Variants in FOCAD observed in about 807,000 individuals in gnomAD.
FOCAD encodes the protein focadhesin.
Under a neutral mutation model 225.6 loss-of-function variants are expected in FOCAD, and 198 were observed. The ratio of observed to expected loss-of-function variants is 0.88; its 90% CI spans 0.78 to 0.99. The LOEUF (loss-of-function observed/expected upper bound fraction) is 0.99. Among genes scored for constraint, FOCAD ranks in the 50% least tolerant of loss-of-function variants. The pLI, the probability that FOCAD is intolerant of heterozygous loss-of-function variation, is 0.00. For synonymous variants in FOCAD, 897 were observed against 755.0 expected, an observed-to-expected ratio of 1.19 and a Z score of -3.08; for missense variants, 2,713 against 2,123.6, an observed-to-expected ratio of 1.28 and a Z score of -5.46.
chr9:20,945,724 A>G (rs1837106784), intron 29 of FOCAD, among the ~76,000 whole-genome samples: 1 of 152,180 alleles, frequency 6.6e-6, no homozygotes, highest in East Asian at 1.9e-4. Context: ...TTTATAACTG[A>G]TGCATCTGTA....
At chr9:20,734,300 C>T (rs1826954177) in intron 4 of FOCAD, among the ~76,000 whole-genome samples, 1 of 152,202 alleles carries the variant, frequency 6.6e-6, no homozygotes, top group South Asian at 2.1e-4. Flanking sequence ...TAGAGAAAAC[C>T]AGGGTAATCT....
At chr9:20,820,209 G>A in intron 12 of FOCAD, 115 bp from the exon 13 acceptor site, 2 of 705,496 alleles carry the variant, frequency 2.8e-6, no homozygotes, top group Non-Finnish European at 2.3e-6. Flanking sequence ...TAATATTGCA[G>A]CAAGCTTTCT....
chr9:20,923,317 A>C (rs1306445321), intron 24 of FOCAD, among the ~76,000 whole-genome samples: 2 of 152,170 alleles, frequency 1.3e-5, no homozygotes, highest in Non-Finnish European at 2.9e-5. Flanking sequence ...CAAATCAATA[A>C]TTTTAAATTG....
intron 35 of FOCAD, among the ~76,000 whole-genome samples, chr9:20,975,670 A>T (rs942462549): frequency 6.6e-6 from 1 of 152,176 alleles, no homozygotes; most frequent in African/African-American, 2.4e-5. Flanking sequence ...ACAGCTAAGT[A>T]GCAACGTGGA....
chr9:20,663,687 G>T (rs961487394), intron 2 of FOCAD, among the ~76,000 whole-genome samples: 4 of 152,082 alleles, frequency 2.6e-5, no homozygotes, highest in African/African-American at 9.7e-5. Flanking sequence ...TAAAATTCTT[G>T]TGTGAGGAAA....
intron 1 of FOCAD, among the ~76,000 whole-genome samples, chr9:20,698,736 T>C (rs1823590490): frequency 1.3e-5 from 2 of 152,250 alleles, no homozygotes; most frequent in Admixed American, 6.5e-5. Context: ...TTTTTTATTG[T>C]AAACTTTTCT....
chr9:20,829,892 A>C (rs139546928), intron 15 of FOCAD, among the ~76,000 whole-genome samples: 2 of 152,120 alleles, frequency 1.3e-5, no homozygotes, highest in African/African-American at 2.4e-5. Flanking sequence ...AGTACTTTCT[A>C]TATAGTTAAC....
intron 15 of FOCAD, among the ~76,000 whole-genome samples, chr9:20,854,275 G>A (rs1564074327): frequency 6.6e-6 from 1 of 151,620 alleles, no homozygotes; most frequent in Non-Finnish European, 1.5e-5. Flanking sequence ...AGAAGGAAAG[G>A]CTCTGATTCT....
intron 2 of FOCAD, among the ~76,000 whole-genome samples, chr9:20,678,726 G>C (rs937238662): frequency 6.6e-6 from 1 of 152,188 alleles, no homozygotes; most frequent in South Asian, 2.1e-4. Context: ...GCTGTGTTAC[G>C]TGACCAAATG....
intron 40 of FOCAD, 49 bp from the exon 41 acceptor site, chr9:20,988,282 AT>A: frequency 8.5e-7 from 1 of 1,181,356 alleles, no homozygotes; most frequent in Non-Finnish European, 1.2e-6. Context: ...TCTGTTTTAC[AT>A]TTCAAAGGAA....
At chr9:20,973,464 A>G (rs1395876756) in intron 35 of FOCAD, among the ~76,000 whole-genome samples, 11 of 113,728 alleles carry the variant, frequency 9.7e-5, no homozygotes, top group Admixed American at 5.5e-4. Context: ...CCTTTTTCCT[A>G]TGCTTCTCAT....
chr9:20,937,342 C>A (rs1440523330), intron 28 of FOCAD, among the ~76,000 whole-genome samples: 2 of 151,674 alleles, frequency 1.3e-5, no homozygotes, highest in African/African-American at 4.8e-5. Context: ...TACAAGGCTA[C>A]AGTAACCAAA....
chr9:20,732,405 T>C (rs1051041701), intron 4 of FOCAD, among the ~76,000 whole-genome samples: 1 of 152,058 alleles, frequency 6.6e-6, no homozygotes, highest in East Asian at 1.9e-4. Flanking sequence ...TTACAGGAAA[T>C]AGTATGTGCC....
intron 5 of FOCAD, among the ~76,000 whole-genome samples, chr9:20,746,737 A>G (rs145245065): frequency 1.3e-5 from 2 of 152,306 alleles, no homozygotes; most frequent in African/African-American, 4.8e-5. Flanking sequence ...TACAGTCCAT[A>G]TTCCAGTTTT....
chr9:20,988,629 C>T (rs991293406), intron 41 of FOCAD, among the ~76,000 whole-genome samples, 200 bp downstream of exon 41: 4 of 152,008 alleles, frequency 2.6e-5, no homozygotes, highest in African/African-American at 9.7e-5. Flanking sequence ...TTTAGACACA[C>T]TTAATGATTC....
chr9:20,899,922 C>T lies in FOCAD; in HGVS notation c.2626-7228C>T, dbSNP rs78091022. On this transcript the variant is annotated intron_variant, in intron 21 of 43. Transcript: ENST00000338382. ...CAGAATGACAGTCTTGTTTGGACTTCTCCAAAACTGAAGTGGCCTCTCTCT... is the reference window on the plus strand; with the variant it reads ...CAGAATGACAGTCTTGTTTGGACTTTTCCAAAACTGAAGTGGCCTCTCTCT... Among the ~76,000 whole-genome samples, 336 of 151,966 alleles carry T rather than the reference C, an allele frequency of 2.2e-3. 5 individuals are homozygous for T. In the East Asian group the frequency reaches 0.037, roughly 17 times the overall value.
intron 11 of FOCAD, among the ~76,000 whole-genome samples, chr9:20,818,260 A>G (rs1253364948): frequency 1.3e-5 from 2 of 152,044 alleles, no homozygotes; most frequent in African/African-American, 4.8e-5. Flanking sequence ...AGTTCTTTAT[A>G]TAGTCTGGGT....
intron 28 of FOCAD, among the ~76,000 whole-genome samples, chr9:20,942,248 T>C (rs1836739277): frequency 6.6e-6 from 1 of 152,314 alleles, no homozygotes; most frequent in South Asian, 2.1e-4. Context: ...TTTAGGTAAA[T>C]GTGAACTAGA....
chr9:20,837,916 T>A (rs1234854607), intron 15 of FOCAD, among the ~76,000 whole-genome samples: 1 of 152,114 alleles, frequency 6.6e-6, no homozygotes, highest in Non-Finnish European at 1.5e-5. Flanking sequence ...GACTTAACCT[T>A]GATTATATGA....
Sources: allele counts gnomAD v4.1 joint callset (sites outside exome capture counted in the v4.1 genomes callset), GRCh38; gene constraint gnomAD v4.1.1; transcripts MANE v1.5; gene names NCBI Gene and HGNC (gene_info 2026-07-23, HGNC 2026-07-21).